The following TMTC2 variants were observed in gnomAD, a reference collection of about 807,000 sequenced individuals.
TMTC2 encodes the protein protein O-mannosyl-transferase TMTC2.
A neutral mutation model predicts 82.4 loss-of-function variants in TMTC2; 43 were observed. The ratio of observed to expected loss-of-function variants is 0.52; its 90% CI spans 0.41 to 0.67. TMTC2 has a LOEUF of 0.67. Among genes scored for constraint, TMTC2 ranks in the 30% least tolerant of loss-of-function variants. TMTC2 has a pLI of 0.00. For synonymous variants in TMTC2, 408 were observed against 381.9 expected (o/e 1.07, Z -0.80); for missense variants, 919 against 1,012.4 (o/e 0.91, Z 1.25).
intron 2 of TMTC2, among the ~76,000 whole-genome samples, chr12:82,890,857 A>G (rs961580578): frequency 6.6e-6 from 1 of 152,178 alleles, no homozygotes; most frequent in Admixed American, 6.5e-5. Context: ...AGTTGAATGA[A>G]CTAATTGTTT....
chr12:83,031,008 G>T, intron 9 of TMTC2, 129 bp downstream of exon 9: 1 of 633,836 alleles, frequency 1.6e-6, no homozygotes, highest in Non-Finnish European at 2.8e-6. Flanking sequence ...TTAGCCTCAT[G>T]CTATATTCCT....
In TMTC2 at chr12:83,065,462, A is replaced by G. The variant is rs139179597; in HGVS notation, c.2331+3631A>G. On this transcript the variant is annotated intron_variant, in intron 11 of 11. Coordinates refer to ENST00000321196, the MANE Select transcript of TMTC2 (RefSeq NM_152588.3). ...AATACCTTGTTGTTTACCAAAATAC[A>G]TAGTTAGAGAAGTCTATTTATTACA... 2.7e-3 allele frequency among the ~76,000 whole-genome samples: 407 copies of G among 152,056 alleles called. 2 individuals carry two copies. Among genetic ancestry groups the G allele is most frequent in the Middle Eastern group, 6.8e-3 (2 of 294 alleles).
At chr12:83,067,753 T>C (rs1882970606) in intron 11 of TMTC2, among the ~76,000 whole-genome samples, 1 of 152,010 alleles carries the variant, frequency 6.6e-6, no homozygotes, top group African/African-American at 2.4e-5. Context: ...GAGGACACAT[T>C]TTTTTGGTGA....
At chr12:82,864,325 T>C (rs1337462140) in intron 2 of TMTC2, among the ~76,000 whole-genome samples, 1 of 151,586 alleles carries the variant, frequency 6.6e-6, no homozygotes, top group Admixed American at 6.6e-5. Flanking sequence ...AGCCTAGGGA[T>C]ACGCAGGTCA....
At chr12:82,963,420 G>A (rs1878030402) in intron 4 of TMTC2, among the ~76,000 whole-genome samples, 1 of 151,672 alleles carries the variant, frequency 6.6e-6, no homozygotes, top group Non-Finnish European at 1.5e-5. Context: ...CTCCCCTGGT[G>A]CACTTACCCT....
At chr12:82,775,348 G>C (rs764180016) in intron 1 of TMTC2, among the ~76,000 whole-genome samples, 1 of 151,930 alleles carries the variant, frequency 6.6e-6, no homozygotes, top group African/African-American at 2.4e-5. Flanking sequence ...TATTCGGGAG[G>C]CTAAGGTGGG....
chr12:83,003,825 C>A (rs1183670848), intron 8 of TMTC2, among the ~76,000 whole-genome samples: 1 of 151,982 alleles, frequency 6.6e-6, no homozygotes, highest in Non-Finnish European at 1.5e-5. Flanking sequence ...CCTTGTAGAA[C>A]CTGATGACTG....
At chr12:82,996,466 C>A (rs534254693) in intron 8 of TMTC2, among the ~76,000 whole-genome samples, 2 of 152,266 alleles carry the variant, frequency 1.3e-5, no homozygotes, top group East Asian at 3.9e-4. Context: ...CTTAAAATTG[C>A]AGGACTCTCA....
chr12:82,824,394 A>T (rs903525553), intron 1 of TMTC2, among the ~76,000 whole-genome samples: 28 of 152,252 alleles, frequency 1.8e-4, no homozygotes, highest in African/African-American at 6.8e-4. Context: ...ACCATTCATT[A>T]TAATAATTTG....
intron 1 of TMTC2, among the ~76,000 whole-genome samples, chr12:82,744,192 C>A (rs1309952851): frequency 6.6e-6 from 1 of 152,060 alleles, no homozygotes; most frequent in African/African-American, 2.4e-5. Context: ...GAGGCCGAGG[C>A]GGGCGGATTG....
chr12:82,752,446 A>C (rs1009099815), intron 1 of TMTC2, among the ~76,000 whole-genome samples: 3 of 152,126 alleles, frequency 2.0e-5, no homozygotes, highest in Non-Finnish European at 2.9e-5. Context: ...AGATCATGCC[A>C]TTGCACTCCA....
intron 1 of TMTC2, among the ~76,000 whole-genome samples, chr12:82,773,258 T>G (rs566183425): frequency 6.6e-6 from 1 of 152,182 alleles, no homozygotes; most frequent in Non-Finnish European, 1.5e-5. Context: ...AAATTGTATA[T>G]AGTCAAAAGC....
At chr12:82,703,925 C>T (rs1036534637) in intron 1 of TMTC2, among the ~76,000 whole-genome samples, 8 of 152,250 alleles carry the variant, frequency 5.3e-5, no homozygotes, top group African/African-American at 1.9e-4. Flanking sequence ...TGGTATTTAG[C>T]CTCTAGGATA....
chr12:82,830,984 G>A (rs896401889), intron 1 of TMTC2, among the ~76,000 whole-genome samples: 3 of 152,152 alleles, frequency 2.0e-5, no homozygotes, highest in Admixed American at 1.3e-4. Context: ...AAGGGAAGGC[G>A]AGGGAATAGA....
chr12:82,966,036 A>G (rs1005123590), intron 6 of TMTC2: 7 of 387,458 alleles, frequency 1.8e-5, no homozygotes, highest in African/African-American at 1.2e-4. Flanking sequence ...AGAATGGGGA[A>G]ATAACATGTA....
intron 9 of TMTC2, among the ~76,000 whole-genome samples, chr12:83,040,392 G>A (rs1881843411): frequency 6.6e-6 from 1 of 152,132 alleles, no homozygotes; most frequent in Admixed American, 6.6e-5. Flanking sequence ...GAAGGCCCCA[G>A]GGAGGAAGGG....
chr12:82,845,390 A>C (rs768149571), intron 1 of TMTC2, among the ~76,000 whole-genome samples: 56 of 151,336 alleles, frequency 3.7e-4, no homozygotes, highest in Non-Finnish European at 7.5e-4. Flanking sequence ...TAATGTAGCT[A>C]TGAGTTGATG....
At chr12:83,053,865 T>C (rs551902418) in intron 10 of TMTC2, among the ~76,000 whole-genome samples, 1 of 152,212 alleles carries the variant, frequency 6.6e-6, no homozygotes, top group South Asian at 2.1e-4. Flanking sequence ...GGTCTCTAAA[T>C]TCCTGTCATC....
At chr12:83,086,750 A>G (rs1226243409) in intron 11 of TMTC2, among the ~76,000 whole-genome samples, 1 of 152,214 alleles carries the variant, frequency 6.6e-6, no homozygotes, top group Non-Finnish European at 1.5e-5. Context: ...ATGATGTTTA[A>G]GAAAACAATA....
Sources: gnomAD v4.1 joint callset for allele counts (sites outside exome capture counted in the v4.1 genomes callset) on GRCh38, gnomAD v4.1.1 for gene constraint, MANE v1.5 for transcripts, NCBI Gene and HGNC (gene_info 2026-07-23, HGNC 2026-07-21) for gene names.